The following ARHGAP32 variants were observed in gnomAD, a reference collection of about 807,000 sequenced individuals.
ARHGAP32 encodes Rho GTPase activating protein 32, also known as rho GTPase-activating protein 32.
ARHGAP32 carries 51 observed loss-of-function variants against 186.5 expected under a neutral mutation model. The ratio of observed to expected loss-of-function variants is 0.27; its 90% CI spans 0.22 to 0.35. The LOEUF is 0.35. Ranked by LOEUF, ARHGAP32 falls within the 10% of genes least tolerant of loss-of-function variation. ARHGAP32 has a pLI of 1.00. For synonymous variants in ARHGAP32, 950 were observed against 964.3 expected (o/e 0.99, Z 0.27); for missense variants, 2,186 against 2,623.5 (o/e 0.83, Z 3.64).
Position 129,256,582 on chromosome 11 carries a change from C to T in ARHGAP32, c.-5+22564G>A, listed in dbSNP as rs1203771291. On this transcript the variant is annotated intron_variant, in intron 1 of 6. Transcript: ENST00000525234. Reference sequence around the variant, plus strand: ...CCTCCAGAAGTAACCAACATCCATCCAATTGGATATCCAGCTGGTCCAATC... The same window carrying T: ...CCTCCAGAAGTAACCAACATCCATCTAATTGGATATCCAGCTGGTCCAATC... Among the ~76,000 whole-genome samples, 2 of 152,076 alleles carry T rather than the reference C, an allele frequency of 1.3e-5. 1 individual carries two copies. Among genetic ancestry groups the T allele is most frequent in the Non-Finnish European group, 2.9e-5 (2 of 67,998 alleles).
chr11:129,246,621 G>A (rs377693139), intron 1 of ARHGAP32, among the ~76,000 whole-genome samples: 28 of 152,250 alleles, frequency 1.8e-4, no homozygotes, highest in Non-Finnish European at 2.4e-4. Flanking sequence ...ACCTTTACGC[G>A]ACAATCAGAG....
intron 6 of ARHGAP32, among the ~76,000 whole-genome samples, chr11:129,091,019 C>G (rs940589912): frequency 1.6e-4 from 25 of 152,120 alleles, no homozygotes; most frequent in African/African-American, 6.0e-4. Context: ...ACTCAGAGAA[C>G]AGAATAAAAA....
intron 2 of ARHGAP32, among the ~76,000 whole-genome samples, chr11:129,132,208 G>A (rs769920570): frequency 1.3e-5 from 2 of 152,232 alleles, no homozygotes; most frequent in Non-Finnish European, 1.5e-5. Flanking sequence ...GCTGGGCGCA[G>A]TAGCTCATGC....
chr11:128,996,458 C>A (rs770769959), intron 12 of ARHGAP32, among the ~76,000 whole-genome samples: 1 of 152,042 alleles, frequency 6.6e-6, no homozygotes, highest in African/African-American at 2.4e-5. Flanking sequence ...TAAGTCATCT[C>A]TTCATGTTTT....
chr11:128,998,579 T>C (rs1022986149), intron 11 of ARHGAP32, 111 bp from the exon 12 acceptor site: 1 of 680,432 alleles, frequency 1.5e-6, no homozygotes, highest in Non-Finnish European at 2.2e-6. Context: ...CTATTATGAA[T>C]ATACTTTATA....
intron 9 of ARHGAP32, 74 bp from the exon 10 acceptor site, chr11:129,062,431 T>C: frequency 7.8e-7 from 1 of 1,281,056 alleles, no homozygotes; most frequent in Non-Finnish European, 1.1e-6. Flanking sequence ...AGAATTTAAA[T>C]CCGAACTGTA....
chr11:129,115,240 C>T (rs1942333178), intron 5 of ARHGAP32, among the ~76,000 whole-genome samples: 1 of 152,072 alleles, frequency 6.6e-6, no homozygotes, highest in African/African-American at 2.4e-5. Flanking sequence ...TACTTTAAAA[C>T]TACTGAGTTC....
chr11:129,212,260 C>T (rs1006147687), intron 1 of ARHGAP32, among the ~76,000 whole-genome samples: 1 of 152,062 alleles, frequency 6.6e-6, no homozygotes, highest in South Asian at 2.1e-4. Context: ...GTTCATTAGC[C>T]ATATATGATT....
At chr11:129,121,032 C>T (rs1016036644) in intron 5 of ARHGAP32, among the ~76,000 whole-genome samples, 7 of 151,942 alleles carry the variant, frequency 4.6e-5, no homozygotes, top group Admixed American at 2.6e-4. Flanking sequence ...CCCATAAACA[C>T]GTTTAGAATC....
chr11:128,997,213 T>C (rs1259144048), intron 12 of ARHGAP32, among the ~76,000 whole-genome samples: 3 of 152,222 alleles, frequency 2.0e-5, no homozygotes. Context: ...GCAAAAGTAA[T>C]CCTCAGGGGT....
In ARHGAP32 at chr11:129,123,119, T is replaced by G. The variant is rs1299876473; in HGVS notation, c.444+327A>C. Reference sequence around the variant, plus strand: ...AAGTATCAAAGCTCACAACAATTAATTAAGACAAGTTTACATAATTTCAGA... The same window carrying G: ...AAGTATCAAAGCTCACAACAATTAAGTAAGACAAGTTTACATAATTTCAGA... On this transcript the variant is annotated intron_variant, in intron 5 of 22. Transcript: ENST00000682385. The surrounding 1 kb of genome is among the most constrained non-coding windows in gnomAD (Gnocchi z 4.6). Among the ~76,000 whole-genome samples the G allele has an allele frequency of 1.3e-5, 2 of 151,992 alleles. No homozygotes were observed.
chr11:129,241,892 G>T (rs4468360), intron 1 of ARHGAP32, among the ~76,000 whole-genome samples: 45,848 of 151,858 alleles, frequency 0.3, 7,246 homozygotes, highest in Middle Eastern at 0.4. Flanking sequence ...ATATAATAAA[G>T]CAAGAATGAC....
intron 11 of ARHGAP32, among the ~76,000 whole-genome samples, chr11:129,015,399 A>C (rs1938291842): frequency 6.6e-6 from 1 of 152,196 alleles, no homozygotes; most frequent in Admixed American, 6.5e-5. Flanking sequence ...TTATACAGAA[A>C]TATTTAAGAG....
intron 6 of ARHGAP32, among the ~76,000 whole-genome samples, chr11:129,092,290 T>C (rs1189883730): frequency 6.6e-6 from 1 of 151,972 alleles, no homozygotes. Context: ...ATTTGCATTC[T>C]CGAAGCATAT....
intron 6 of ARHGAP32, among the ~76,000 whole-genome samples, chr11:129,075,984 C>T (rs756976355): frequency 6.6e-6 from 1 of 152,048 alleles, no homozygotes; most frequent in Non-Finnish European, 1.5e-5. Flanking sequence ...AAATAGCAGG[C>T]GGTAAAGAAG....
intron 2 of ARHGAP32, among the ~76,000 whole-genome samples, chr11:129,149,959 A>T (rs765599199): frequency 9.9e-5 from 15 of 152,104 alleles, no homozygotes; most frequent in Non-Finnish European, 1.9e-4. Context: ...AAACAATCAC[A>T]AATTCTGGAA....
intron 6 of ARHGAP32, among the ~76,000 whole-genome samples, chr11:129,086,417 A>G (rs182895907): frequency 3.3e-5 from 5 of 152,376 alleles, no homozygotes; most frequent in East Asian, 3.9e-4. Context: ...GATCCATGAA[A>G]AAGATAAATA....
chr11:129,052,330 T>A (rs1236532053), intron 10 of ARHGAP32, among the ~76,000 whole-genome samples: 1 of 152,224 alleles, frequency 6.6e-6, no homozygotes, highest in Non-Finnish European at 1.5e-5. Flanking sequence ...AATCTTCAGT[T>A]AGTGTTAGTT....
intron 11 of ARHGAP32, among the ~76,000 whole-genome samples, chr11:129,017,783 G>T (rs935971703): frequency 6.6e-6 from 1 of 152,010 alleles, no homozygotes; most frequent in Non-Finnish European, 1.5e-5. Context: ...ACTTTAAATA[G>T]ATTATTTCTT....
Sources: gnomAD v4.1 joint callset for allele counts (sites outside exome capture counted in the v4.1 genomes callset) on GRCh38, gnomAD v4.1.1 for gene constraint, Gnocchi (gnomAD v3.1) non-coding constraint, MANE v1.5 for transcripts, NCBI Gene and HGNC (gene_info 2026-07-23, HGNC 2026-07-21) for gene names.